RAPGEF5: variants seen among roughly 807,000 people sequenced by gnomAD.
The protein encoded by RAPGEF5 is M-Ras-regulated GEF.
A neutral mutation model predicts 125.2 loss-of-function variants in RAPGEF5; 65 were observed. The ratio of observed to expected loss-of-function variants is 0.52; its 90% CI spans 0.43 to 0.64. The LOEUF is 0.64. Ranked by LOEUF, RAPGEF5 falls within the 30% of genes least tolerant of loss-of-function variation. The pLI is 0.00. For synonymous variants in RAPGEF5, 391 were observed against 385.9 expected, an observed-to-expected ratio of 1.01 and a Z score of -0.16; for missense variants, 958 against 1,048.1, an observed-to-expected ratio of 0.91 and a Z score of 1.19.
chr7:22,243,621 T>C (rs1182621486), intron 7 of RAPGEF5, among the ~76,000 whole-genome samples: 1 of 152,190 alleles, frequency 6.6e-6, no homozygotes, highest in Non-Finnish European at 1.5e-5. Flanking sequence ...AATTTTTAAT[T>C]GACAAATAAG....
At position 22,120,941 on chromosome 7, in the gene RAPGEF5, G is replaced by A. The variant is rs965350900; in HGVS notation, c.*1465C>T. On this transcript the variant is annotated 3_prime_UTR_variant, in exon 26 of 26. Coordinates refer to ENST00000665637, the MANE Select transcript of RAPGEF5 (RefSeq NM_012294.5). This position sits in a 1 kb window ranked among gnomAD's most constrained non-coding sequence, Gnocchi z 4.0. ...CGTTGATGAGACAAAAAGGAAACAG[G>A]TCTGTGTGGGCATGAAAGAGATGAA... 1 of 152,258 alleles carries A rather than the reference G, an allele frequency of 6.6e-6. No individual in the cohort carries two copies. Among genetic ancestry groups the A allele is most frequent in the Non-Finnish European group, 1.5e-5 (1 of 68,102 alleles). The allele number at this position is 152,258 out of a possible 1,614,324, so 9.4% of individuals were successfully genotyped here.
intron 7 of RAPGEF5, among the ~76,000 whole-genome samples, chr7:22,254,851 C>T (rs1786716350): frequency 6.6e-6 from 1 of 152,132 alleles, no homozygotes; most frequent in African/African-American, 2.4e-5. Flanking sequence ...GGTCGCGCAC[C>T]TGTGAAAATC....
intron 21 of RAPGEF5, among the ~76,000 whole-genome samples, chr7:22,137,329 G>A (rs1237590874): frequency 6.6e-6 from 1 of 152,148 alleles, no homozygotes; most frequent in Admixed American, 6.5e-5. Flanking sequence ...TAGTCTTCCT[G>A]AGTGGGAAAC....
intron 12 of RAPGEF5, among the ~76,000 whole-genome samples, chr7:22,163,892 T>A (rs535353818): frequency 3.5e-4 from 53 of 152,352 alleles, no homozygotes; most frequent in African/African-American, 1.3e-3. Context: ...GCTAATATTT[T>A]AAAATATAAT....
At chr7:22,193,084 C>T (rs1005065396) in intron 11 of RAPGEF5, 3 of 502,976 alleles carry the variant, frequency 6.0e-6, no homozygotes, top group Non-Finnish European at 1.1e-5. Context: ...CTCTTGCCAA[C>T]TGCCTTTAGG....
At chr7:22,225,667 A>G (rs77358887) in intron 8 of RAPGEF5, among the ~76,000 whole-genome samples, 1,688 of 152,338 alleles carry the variant, frequency 0.011, 31 homozygotes, top group African/African-American at 0.038. Context: ...GAGAAGCAAG[A>G]TAACTAACAG....
At chr7:22,214,284 G>A (rs1785579248) in intron 9 of RAPGEF5, among the ~76,000 whole-genome samples, 1 of 152,150 alleles carries the variant, frequency 6.6e-6, no homozygotes, top group Non-Finnish European at 1.5e-5. Context: ...GAAGTAGGGT[G>A]GGTCCCCAGA....
intron 5 of RAPGEF5, among the ~76,000 whole-genome samples, chr7:22,307,948 C>T (rs1783379525): frequency 6.6e-6 from 1 of 152,128 alleles, no homozygotes; most frequent in Non-Finnish European, 1.5e-5. Flanking sequence ...AATGTTGCTT[C>T]TAGACTATTT....
chr7:22,172,372 C>A (rs1348852614), intron 11 of RAPGEF5, among the ~76,000 whole-genome samples: 2 of 152,168 alleles, frequency 1.3e-5, no homozygotes, highest in South Asian at 2.1e-4. Context: ...GATCTGCATG[C>A]CTCGGGCTCC....
chr7:22,274,442 G>A (rs139507320), intron 6 of RAPGEF5, among the ~76,000 whole-genome samples: 71 of 152,204 alleles, frequency 4.7e-4, no homozygotes, highest in African/African-American at 1.7e-3. Context: ...CAATTCTCCT[G>A]CCTCAGCCTC....
chr7:22,253,564 A>C (rs2128138809), intron 7 of RAPGEF5, among the ~76,000 whole-genome samples: 1 of 152,348 alleles, frequency 6.6e-6, no homozygotes, highest in East Asian at 1.9e-4. Flanking sequence ...TCCTCTTATA[A>C]CGTAGCATTT....
intron 18 of RAPGEF5, among the ~76,000 whole-genome samples, chr7:22,150,138 G>T (rs1477473190): frequency 7.6e-6 from 1 of 130,970 alleles, no homozygotes; most frequent in South Asian, 2.5e-4. Flanking sequence ...GGAGTGCAAT[G>T]ATGAGATCAC....
At chr7:22,140,561 G>T (rs1783225392) in intron 20 of RAPGEF5, among the ~76,000 whole-genome samples, 1 of 151,856 alleles carries the variant, frequency 6.6e-6, no homozygotes, top group Non-Finnish European at 1.5e-5. Flanking sequence ...TTACATTTAG[G>T]CACATTTTCT....
chr7:22,341,284 C>A (rs1215016769), intron 1 of RAPGEF5, among the ~76,000 whole-genome samples: 11 of 152,180 alleles, frequency 7.2e-5, no homozygotes, highest in Admixed American at 7.2e-4. Context: ...GACTTATTCA[C>A]TATCATGAGA....
Position 22,119,972 on chromosome 7 carries a change from G to A in RAPGEF5, c.*2434C>T, listed in dbSNP as rs192962650. On this transcript the variant is annotated 3_prime_UTR_variant, in exon 26 of 26. Transcript: ENST00000665637. The surrounding 1 kb of genome is among the most constrained non-coding windows in gnomAD (Gnocchi z 4.1). ...GAGTAATATCTGGTTCTCACAATTC[G>A]GGCTTGAATTCTTTAATTCCAGATC... 12 of 152,268 alleles carry A rather than the reference G, an allele frequency of 7.9e-5. No individual in the cohort carries two copies. The East Asian group carries it at 1.3e-3, about 17-fold the overall frequency. 9.4% of individuals were successfully genotyped at this position (152,268 alleles called of 1,614,324 possible). A position where few individuals can be genotyped will look rare whatever the true frequency, so the allele number is the denominator to read the frequency against.
chr7:22,266,871 C>T lies in RAPGEF5; in HGVS notation c.796+93G>A, dbSNP rs1782294732. 4.7e-6 allele frequency: 6 copies of T among 1,283,586 alleles called. No individual in the cohort carries two copies. The South Asian group carries it at 7.8e-5, about 17-fold the overall frequency. The allele number at this position is 1,283,586 out of a possible 1,614,324, so 79.5% of individuals were successfully genotyped here. The stretch of plus-strand genomic sequence containing the variant: ...TTCTTTGCATTCTACACCATAACTT[C>T]CTGAGATACACTCAACTGCACACTA... On this transcript the variant is annotated intron_variant, in intron 7 of 25. Transcript: ENST00000665637.
chr7:22,215,496 T>C (rs948230790), intron 9 of RAPGEF5, among the ~76,000 whole-genome samples: 1 of 152,214 alleles, frequency 6.6e-6, no homozygotes, highest in Non-Finnish European at 1.5e-5. Context: ...TGTTGATATC[T>C]TTCCTCCACA....
intron 1 of RAPGEF5, among the ~76,000 whole-genome samples, chr7:22,330,561 C>T (rs976636595): frequency 3.3e-5 from 5 of 152,204 alleles, no homozygotes; most frequent in Admixed American, 1.3e-4. Context: ...CATCATTGTT[C>T]GGAGTGTCTT....
At chr7:22,353,393 T>C (rs892321417) in intron 1 of RAPGEF5, among the ~76,000 whole-genome samples, 7 of 152,174 alleles carry the variant, frequency 4.6e-5, no homozygotes, top group Non-Finnish European at 8.8e-5. Context: ...ATATTTTAGG[T>C]GTGAAAAAGG....
Sources: gnomAD v4.1 joint callset for allele counts (sites outside exome capture counted in the v4.1 genomes callset) on GRCh38, gnomAD v4.1.1 for gene constraint, Gnocchi (gnomAD v3.1) non-coding constraint, MANE v1.5 for transcripts, NCBI Gene and HGNC (gene_info 2026-07-23, HGNC 2026-07-21) for gene names.